SUPT3H: variants seen among roughly 807,000 people sequenced by gnomAD.
The protein encoded by SUPT3H is transcription initiation protein SPT3 homolog.
SUPT3H carries 44 observed loss-of-function variants against 44.3 expected under a neutral mutation model. The ratio of observed to expected loss-of-function variants is 0.99; its 90% CI spans 0.78 to 1.28. SUPT3H has a LOEUF of 1.28. Ranked by LOEUF, SUPT3H falls within the 50% of genes most tolerant of loss-of-function variation. The pLI is 0.00. For missense variants in SUPT3H, 380 were observed against 387.1 expected, an observed-to-expected ratio of 0.98 and a Z score of 0.15; for synonymous variants, 124 against 125.6, an observed-to-expected ratio of 0.99 and a Z score of 0.09.
chr6:45,085,374 T>C (rs1796361355), intron 3 of SUPT3H, among the ~76,000 whole-genome samples: 1 of 152,158 alleles, frequency 6.6e-6, no homozygotes, highest in South Asian at 2.1e-4. Context: ...TCTCAAATGA[T>C]AATTTTCAAC....
At chr6:44,920,397 C>T (rs1221537946) in intron 10 of SUPT3H, among the ~76,000 whole-genome samples, 1 of 151,802 alleles carries the variant, frequency 6.6e-6, no homozygotes, top group Non-Finnish European at 1.5e-5. Context: ...GAGAGTGAGA[C>T]CCCATCTCTC....
At chr6:45,090,736 C>A (rs1181003796) in intron 3 of SUPT3H, among the ~76,000 whole-genome samples, 1 of 151,596 alleles carries the variant, frequency 6.6e-6, no homozygotes, top group East Asian at 1.9e-4. Flanking sequence ...CTGCCATAGA[C>A]AAAATAATTG....
At chr6:44,903,426 T>C (rs1263896578) in intron 10 of SUPT3H, among the ~76,000 whole-genome samples, 2 of 151,892 alleles carry the variant, frequency 1.3e-5, no homozygotes, top group Non-Finnish European at 2.9e-5. Context: ...AACTAGAAAA[T>C]CTAGAAGAAA....
chr6:45,199,453 C>T (rs1254473969), intron 2 of SUPT3H, among the ~76,000 whole-genome samples: 1 of 150,100 alleles, frequency 6.7e-6, no homozygotes, highest in Non-Finnish European at 1.5e-5. Flanking sequence ...ATTTCTTTAA[C>T]TCCATTAAGA....
intron 2 of SUPT3H, among the ~76,000 whole-genome samples, chr6:45,213,686 A>G (rs1364297798): frequency 2.0e-5 from 3 of 151,354 alleles, no homozygotes; most frequent in Admixed American, 2.0e-4. Flanking sequence ...TAATCAATCA[A>G]ATTATTAAGA....
chr6:45,322,002 CAAG>C (rs1785567551), intron 2 of SUPT3H: 3 of 638,650 alleles, frequency 4.7e-6, no homozygotes, highest in African/African-American at 3.8e-5. Context: ...TCCCAGTTCC[CAAG>C]AAGTTTTAAT....
At chr6:44,842,951 T>TA (rs1396010029) in intron 10 of SUPT3H, among the ~76,000 whole-genome samples, 3 of 152,060 alleles carry the variant, frequency 2.0e-5, no homozygotes, top group Admixed American at 6.5e-5. Context: ...AACATACTGT[T>TA]ACGTGGAAGG....
At chr6:45,008,874 G>T (rs1192146942) in intron 5 of SUPT3H, among the ~76,000 whole-genome samples, 2 of 151,984 alleles carry the variant, frequency 1.3e-5, no homozygotes, top group Non-Finnish European at 2.9e-5. Flanking sequence ...CAGGTAACTG[G>T]GATTACAGGC....
chr6:45,154,171 A>T (rs1161897517), intron 2 of SUPT3H, among the ~76,000 whole-genome samples: 1 of 151,610 alleles, frequency 6.6e-6, no homozygotes, highest in East Asian at 1.9e-4. Flanking sequence ...TTGCCTACTT[A>T]GCTTAAAACA....
chr6:45,283,337 A>G (rs1778547300), intron 2 of SUPT3H, among the ~76,000 whole-genome samples: 1 of 152,154 alleles, frequency 6.6e-6, no homozygotes, highest in South Asian at 2.1e-4. Context: ...TATTCAGGAA[A>G]CCCACCTCAC....
chr6:45,113,101 A>C (rs1303970019), intron 2 of SUPT3H, among the ~76,000 whole-genome samples: 1 of 88,984 alleles, frequency 1.1e-5, no homozygotes, highest in African/African-American at 6.0e-5. Context: ...CCCCAAAAGA[A>C]AGGTTTTTTT....
intron 3 of SUPT3H, among the ~76,000 whole-genome samples, chr6:45,072,326 GATAAA>G (rs1794492266): frequency 6.6e-6 from 1 of 152,142 alleles, no homozygotes; most frequent in African/African-American, 2.4e-5. Context: ...AAATTAAACT[GATAAA>G]ATGTTTTCTT....
intron 10 of SUPT3H, among the ~76,000 whole-genome samples, chr6:44,931,504 A>C (rs1770581049): frequency 6.6e-6 from 1 of 152,136 alleles, no homozygotes; most frequent in South Asian, 2.1e-4. Flanking sequence ...ATCATGTAAA[A>C]GAAACTTGAT....
At chr6:44,857,708 G>C (rs1360930107) in intron 10 of SUPT3H, among the ~76,000 whole-genome samples, 5 of 152,048 alleles carry the variant, frequency 3.3e-5, no homozygotes, top group African/African-American at 4.8e-5. Context: ...TTAGAGAATA[G>C]CCACTTCTGT....
chr6:45,069,331 G>A (rs2153550756), intron 3 of SUPT3H, among the ~76,000 whole-genome samples: 2 of 152,250 alleles, frequency 1.3e-5, no homozygotes, highest in South Asian at 4.1e-4. Flanking sequence ...AACGTGTTTA[G>A]GTTGAACAGT....
downstream of SUPT3H, among the ~76,000 whole-genome samples, chr6:44,825,492 G>A (rs776558873): frequency 6.6e-6 from 1 of 152,090 alleles, no homozygotes; most frequent in Non-Finnish European, 1.5e-5. Flanking sequence ...CAAAGTGCTG[G>A]GTACAAAAGC....
intron 3 of SUPT3H, among the ~76,000 whole-genome samples, chr6:45,030,600 G>C (rs2153523491): frequency 6.6e-6 from 1 of 152,216 alleles, no homozygotes; most frequent in South Asian, 2.1e-4. Context: ...AAGTCTTCAT[G>C]GCTGGATCAG....
chr6:45,111,643 T>A (rs1012560322), intron 2 of SUPT3H, among the ~76,000 whole-genome samples: 1 of 151,980 alleles, frequency 6.6e-6, no homozygotes, highest in Non-Finnish European at 1.5e-5. Context: ...TTATTTCAGT[T>A]CTAAAGTCTC....
intron 3 of SUPT3H, among the ~76,000 whole-genome samples, chr6:45,052,040 T>C (rs4714836): frequency 0.35 from 53,515 of 152,030 alleles, 10,324 homozygotes; most frequent in Non-Finnish European, 0.43. Flanking sequence ...AGGAGTATTA[T>C]AGACAAAAGC....
Sources: allele counts gnomAD v4.1 joint callset (sites outside exome capture counted in the v4.1 genomes callset), GRCh38; gene constraint gnomAD v4.1.1; transcripts MANE v1.5; gene names NCBI Gene and HGNC (gene_info 2026-07-23, HGNC 2026-07-21).